Variants in MCCC1 observed in about 807,000 individuals in gnomAD.
MCCC1 encodes methylcrotonyl-CoA carboxylase subunit 1, also known as methylcrotonoyl-CoA carboxylase subunit alpha, mitochondrial.
Under a neutral mutation model 83.8 loss-of-function variants are expected in MCCC1, and 64 were observed. That is an observed-to-expected ratio of 0.76 (90% CI 0.62 to 0.94). MCCC1 has a LOEUF of 0.94. Among genes scored for constraint, MCCC1 ranks in the 40% least tolerant of loss-of-function variants. The pLI is 0.00. For missense variants in MCCC1, 807 were observed against 904.7 expected (o/e 0.89, Z 1.39); for synonymous variants, 322 against 315.4 (o/e 1.02, Z -0.22).
intron 18 of MCCC1, among the ~76,000 whole-genome samples, chr3:183,016,797 A>G (rs1711679074): frequency 6.6e-6 from 1 of 152,212 alleles, no homozygotes; most frequent in Admixed American, 6.5e-5. Flanking sequence ...TCACTGACCT[A>G]CCATTTGAAC....
At chr3:183,055,166 G>A (rs1715314341) in intron 8 of MCCC1, among the ~76,000 whole-genome samples, 1 of 152,096 alleles carries the variant, frequency 6.6e-6, no homozygotes, top group Non-Finnish European at 1.5e-5. Context: ...CACTTTGGGA[G>A]GCTGAGGCGG....
intron 2 of MCCC1, 150 bp downstream of exon 2, chr3:183,094,409 G>GGCCT: frequency 1.3e-6 from 1 of 770,078 alleles, no homozygotes; most frequent in Admixed American, 2.2e-5. Flanking sequence ...TGAAAACCAT[G>GGCCT]ACTTAACACT....
At chr3:183,050,113 G>A (rs1714849696) in intron 9 of MCCC1, among the ~76,000 whole-genome samples, 1 of 152,164 alleles carries the variant, frequency 6.6e-6, no homozygotes, top group African/African-American at 2.4e-5. Context: ...AGCACTTTGG[G>A]AGGCCATGGC....
upstream of MCCC1, chr3:183,099,539 C>G: frequency 7.0e-7 from 1 of 1,419,666 alleles, no homozygotes; most frequent in Non-Finnish European, 9.7e-7. Flanking sequence ...GTGACCCCCG[C>G]CGGCCACCGT....
Position 183,034,068 on chromosome 3 carries a change from G to C in MCCC1, c.1604C>G (p.Ser535Cys). 6.2e-7 allele frequency: 1 copy of C among 1,608,450 alleles called. No homozygotes were observed. Among genetic ancestry groups the C allele is most frequent in the Non-Finnish European group, 8.5e-7 (1 of 1,176,340 alleles). ...TCTTCCACTGCTAGACGAAAATGGA[G>C]AGAATTGATCTAGAAAAAATTTAAA... ...TFTLQAHDQFSPFSSSSGRRL... is the reference protein window; with the variant it reads ...TFTLQAHDQFCPFSSSSGRRL... The change falls in exon 14 of 19, where the codon TCT (serine) becomes TGT (cysteine). Residue 535 changes from serine (S) to cysteine (C), a missense_variant. Transcript: ENST00000265594.
intron 12 of MCCC1, among the ~76,000 whole-genome samples, chr3:183,038,678 T>C (rs1713819629): frequency 6.6e-6 from 1 of 152,212 alleles, no homozygotes; most frequent in South Asian, 2.1e-4. Context: ...ACATCTGCTT[T>C]TATTTCCTAA....
chr3:183,041,851 A>C, intron 10 of MCCC1, 101 bp from the exon 11 acceptor site: 1 of 1,336,226 alleles, frequency 7.5e-7, no homozygotes, highest in East Asian at 2.3e-5. Context: ...ATGTACATTT[A>C]GGTTTTGCAA....
chr3:183,095,296 A>G (rs1431215689), intron 1 of MCCC1, among the ~76,000 whole-genome samples: 1 of 152,180 alleles, frequency 6.6e-6, no homozygotes, highest in Non-Finnish European at 1.5e-5. Flanking sequence ...AAAAAAAACA[A>G]AAACAAAAAG....
At chr3:183,019,732 T>C (rs1711993502) in intron 17 of MCCC1, among the ~76,000 whole-genome samples, 1 of 152,186 alleles carries the variant, frequency 6.6e-6, no homozygotes, top group Non-Finnish European at 1.5e-5. Flanking sequence ...ATACCAGCCT[T>C]TTACATTAAC....
At chr3:183,100,912 G>C (rs1016674370), upstream of MCCC1, among the ~76,000 whole-genome samples, 3 of 152,262 alleles carry the variant, frequency 2.0e-5, no homozygotes, top group African/African-American at 4.8e-5. Context: ...GACACGAGCG[G>C]GAACTGGGGC....
rs1713684579 is a variant in MCCC1, at chr3:183,037,213, C to T, written c.1594+5G>A. The stretch of plus-strand genomic sequence containing the variant: ...AAGCAGAGGAAAGAGAAAAGCCTTC[C>T]ATACCATGTGCCTGAAGAGTGAAAG... On this transcript the variant is annotated splice_donor_5th_base_variant and intron_variant, in intron 13 of 18. Coordinates refer to ENST00000265594, the MANE Select transcript of MCCC1 (RefSeq NM_020166.5). 1.2e-6 allele frequency: 2 copies of T among 1,612,872 alleles called. No individual in the cohort carries two copies. The highest frequency in any genetic ancestry group is 1.7e-6 in the Non-Finnish European group (2 of 1,179,940).
intron 11 of MCCC1, among the ~76,000 whole-genome samples, chr3:183,040,741 A>AAAAC (rs983942502): frequency 6.6e-6 from 1 of 151,042 alleles, no homozygotes; most frequent in African/African-American, 2.5e-5. Flanking sequence ...AACAAACAAA[A>AAAAC]AAACAAACAA....
At chr3:183,062,834 T>C (rs1188260397) in intron 7 of MCCC1, among the ~76,000 whole-genome samples, 1 of 152,186 alleles carries the variant, frequency 6.6e-6, no homozygotes, top group African/African-American at 2.4e-5. Flanking sequence ...GCATAGTGTC[T>C]ATAAGTGTCT....
chr3:183,099,344 C>G lies in MCCC1; in HGVS notation c.89+8G>C, dbSNP rs1175133593. 1 of 1,591,608 alleles carries G rather than the reference C, an allele frequency of 6.3e-7. No homozygotes were observed. On this transcript the variant is annotated splice_region_variant and intron_variant, in intron 1 of 18. Coordinates refer to ENST00000265594, the MANE Select transcript of MCCC1 (RefSeq NM_020166.5). ...CTCTGCCCACTGAGCCATGGCCCCT[C>G]CACCCACCTCGGCGGCAGGAGCAGG...
chr3:183,099,062 G>A (rs562885714), intron 1 of MCCC1: 26 of 556,558 alleles, frequency 4.7e-5, no homozygotes, highest in African/African-American at 4.0e-4. Context: ...CTGCAGCGAC[G>A]GCGAGGGGAG....
In MCCC1 at chr3:183,059,488, G is replaced by A. The variant is rs576380812; in HGVS notation, c.762-2066C>T. Among the ~76,000 whole-genome samples, 3 of 152,018 alleles carry A rather than the reference G, an allele frequency of 2.0e-5. No homozygotes were observed. In the South Asian group the frequency reaches 6.2e-4, roughly 32 times the overall value. ...CACAAGCTATATAATCACCAAATAC[G>A]TTATTGCCATTATTTTAAACAAACT... On this transcript the variant is annotated intron_variant, in intron 7 of 18. Transcript: ENST00000265594.
intron 4 of MCCC1, among the ~76,000 whole-genome samples, chr3:183,085,828 T>G (rs995567075): frequency 1.3e-5 from 2 of 152,060 alleles, no homozygotes; most frequent in Non-Finnish European, 2.9e-5. Flanking sequence ...TAGGGGTCAC[T>G]GTAGGGAAAC....
intron 7 of MCCC1, among the ~76,000 whole-genome samples, chr3:183,063,581 T>G (rs916451834): frequency 6.6e-6 from 1 of 152,174 alleles, no homozygotes; most frequent in Admixed American, 6.5e-5. Flanking sequence ...TAGAGGCTGT[T>G]CTCTCTATGG....
At chr3:183,023,632 T>C (rs763688916) in intron 15 of MCCC1, among the ~76,000 whole-genome samples, 6 of 152,200 alleles carry the variant, frequency 3.9e-5, no homozygotes, top group Non-Finnish European at 8.8e-5. Context: ...ATGGTTTTTC[T>C]GAATCTCACA....
Sources: allele counts gnomAD v4.1 joint callset (sites outside exome capture counted in the v4.1 genomes callset), GRCh38; gene constraint gnomAD v4.1.1; transcripts MANE v1.5; gene names NCBI Gene and HGNC (gene_info 2026-07-23, HGNC 2026-07-21).